The following CTTNBP2 variants were observed in gnomAD, a reference collection of about 807,000 sequenced individuals.
CTTNBP2 encodes the protein cortactin binding protein 2.
In CTTNBP2, 108 loss-of-function variants were observed where a neutral mutation model predicts 156.9. The ratio of observed to expected loss-of-function variants is 0.69; its 90% CI spans 0.59 to 0.81. The LOEUF (loss-of-function observed/expected upper bound fraction) is 0.81. CTTNBP2 is among the 30% of genes least tolerant of loss of function. The pLI is 0.00. For synonymous variants in CTTNBP2, 767 were observed against 751.8 expected (o/e 1.02, Z -0.33); for missense variants, 1,924 against 2,035.4 (o/e 0.95, Z 1.05).
At chr7:117,742,264 A>T (rs1796060296) in intron 14 of CTTNBP2, among the ~76,000 whole-genome samples, 1 of 152,242 alleles carries the variant, frequency 6.6e-6, no homozygotes, top group African/African-American at 2.4e-5. Flanking sequence ...CTGTGGGATG[A>T]GAGGCATTTA....
At chr7:117,742,486 G>A (rs1487589622) in intron 14 of CTTNBP2, among the ~76,000 whole-genome samples, 1 of 152,170 alleles carries the variant, frequency 6.6e-6, no homozygotes, top group East Asian at 1.9e-4. Context: ...ATGGAGAGAT[G>A]CGGGATGGGG....
chr7:117,714,475 G>A (rs562598339), intron 22 of CTTNBP2, among the ~76,000 whole-genome samples: 6 of 152,278 alleles, frequency 3.9e-5, no homozygotes, highest in African/African-American at 1.4e-4. Flanking sequence ...CTGGTGGTGA[G>A]GGGAGTTGTT....
intron 12 of CTTNBP2, among the ~76,000 whole-genome samples, chr7:117,753,476 G>A (rs765793283): frequency 1.1e-4 from 17 of 152,166 alleles, no homozygotes; most frequent in Non-Finnish European, 1.9e-4. Context: ...GCAAGACTAC[G>A]GATGATAGCA....
chr7:117,757,528 T>TAAAAAAAAAAAAAA (rs56687697), intron 11 of CTTNBP2, among the ~76,000 whole-genome samples: 1 of 91,436 alleles, frequency 1.1e-5, no homozygotes. Context: ...TTAAGCACAG[T>TAAAAAAAAAAAAAA]AAAAAAAAAA....
intron 14 of CTTNBP2, among the ~76,000 whole-genome samples, chr7:117,744,574 T>G (rs1349333101): frequency 6.6e-6 from 1 of 152,148 alleles, no homozygotes; most frequent in Non-Finnish European, 1.5e-5. Flanking sequence ...ATTTTCTTTA[T>G]CTATTCATCT....
chr7:117,732,024 A>G (rs1372523440), intron 16 of CTTNBP2, among the ~76,000 whole-genome samples: 1 of 152,196 alleles, frequency 6.6e-6, no homozygotes, highest in African/African-American at 2.4e-5. Context: ...ATGACATTAA[A>G]TATTTCATAT....
In CTTNBP2 at chr7:117,867,360, C is replaced by T. The variant is rs545923039; in HGVS notation, c.81+5975G>A. Among the ~76,000 whole-genome samples, 23 of 152,244 alleles carry T rather than the reference C, an allele frequency of 1.5e-4. No individual in the cohort carries two copies. The South Asian group carries it at 4.4e-3, about 29-fold the overall frequency. ...CCAGACTCCAGAAATCTCTTGTTCT[C>T]GCCATTCAGTCTTAAAATCTGCTCT... On this transcript the variant is annotated intron_variant, in intron 1 of 22. Transcript: ENST00000160373.
chr7:117,848,109 G>A (rs1390866859), intron 2 of CTTNBP2, among the ~76,000 whole-genome samples: 2 of 152,118 alleles, frequency 1.3e-5, no homozygotes, highest in Middle Eastern at 3.4e-3. Context: ...GAGCCACCAC[G>A]CCTGGCCTGC....
In CTTNBP2 at chr7:117,841,222, G is replaced by C. The variant is rs1336544379; in HGVS notation, c.189+19987C>G. ...GAGTCTGGTATCTGCTTCTTCATCT[G>C]AGCTGTTAAAAAAATCATCTGTCAT... On this transcript the variant is annotated intron_variant, in intron 2 of 22. Coordinates refer to ENST00000160373, the MANE Select transcript of CTTNBP2 (RefSeq NM_033427.3). Among the ~76,000 whole-genome samples the C allele has an allele frequency of 2.0e-5, 3 of 152,076 alleles. No individual in the cohort carries two copies. The East Asian group carries it at 5.8e-4, about 29-fold the overall frequency.
At chr7:117,772,323 A>G (rs1460320773) in intron 8 of CTTNBP2, among the ~76,000 whole-genome samples, 1 of 152,060 alleles carries the variant, frequency 6.6e-6, no homozygotes, top group Non-Finnish European at 1.5e-5. Flanking sequence ...TTTATTCGTA[A>G]AAGAGTAAAT....
chr7:117,722,347 A>G (rs2116396425), intron 19 of CTTNBP2, among the ~76,000 whole-genome samples: 1 of 152,160 alleles, frequency 6.6e-6, no homozygotes, highest in African/African-American at 2.4e-5. Context: ...CATTATAAAA[A>G]TAACGAGAGG....
chr7:117,765,125 G>A (rs1453826549), intron 9 of CTTNBP2, among the ~76,000 whole-genome samples: 3 of 152,046 alleles, frequency 2.0e-5, no homozygotes, highest in Non-Finnish European at 2.9e-5. Flanking sequence ...TAGTAGAGAC[G>A]GGGTTTCTCT....
At chr7:117,754,827 C>T (rs1796800016) in intron 12 of CTTNBP2, among the ~76,000 whole-genome samples, 2 of 152,182 alleles carry the variant, frequency 1.3e-5, no homozygotes. Context: ...TAAGCAGACA[C>T]ATATATAAGT....
intron 2 of CTTNBP2, among the ~76,000 whole-genome samples, chr7:117,841,106 T>G (rs1402741385): frequency 6.6e-6 from 1 of 152,222 alleles, no homozygotes; most frequent in Non-Finnish European, 1.5e-5. Flanking sequence ...AAAAAAGCAC[T>G]ATATTTTCCA....
chr7:117,808,090 T>C (rs541353870), intron 3 of CTTNBP2, among the ~76,000 whole-genome samples: 5 of 152,186 alleles, frequency 3.3e-5, no homozygotes, highest in Admixed American at 1.3e-4. Context: ...AAAAGAATTG[T>C]TCCCCCTCTG....
intron 3 of CTTNBP2, among the ~76,000 whole-genome samples, chr7:117,794,877 C>CTTTTTT (rs755340586): frequency 2.9e-4 from 26 of 88,320 alleles, no homozygotes; most frequent in South Asian, 8.2e-4. Context: ...ATATGTATAT[C>CTTTTTT]TTTTTTTTTT....
intron 4 of CTTNBP2, chr7:117,786,470 A>C (rs912654732): frequency 2.3e-6 from 1 of 429,330 alleles, no homozygotes; most frequent in African/African-American, 2.1e-5. Context: ...ACAAAAATTA[A>C]ATCAGTACTT....
intron 10 of CTTNBP2, 118 bp downstream of exon 10, chr7:117,760,317 C>T: frequency 1.0e-6 from 1 of 975,870 alleles, no homozygotes; most frequent in Non-Finnish European, 1.5e-6. Flanking sequence ...GCACCGGCAG[C>T]TGCCACAAGT....
intron 17 of CTTNBP2, among the ~76,000 whole-genome samples, 198 bp downstream of exon 17, chr7:117,727,891 C>A (rs1467818575): frequency 6.6e-6 from 1 of 152,142 alleles, no homozygotes; most frequent in Non-Finnish European, 1.5e-5. Context: ...AAACCTAGCT[C>A]TCAGCAAAAA....
Sources: allele counts gnomAD v4.1 joint callset (sites outside exome capture counted in the v4.1 genomes callset), GRCh38; gene constraint gnomAD v4.1.1; transcripts MANE v1.5; gene names NCBI Gene and HGNC (gene_info 2026-07-23, HGNC 2026-07-21).